Variants in BLMH observed in about 807,000 individuals in gnomAD.
BLMH encodes the protein BLM hydrolase.
Under a neutral mutation model 61.6 loss-of-function variants are expected in BLMH, and 32 were observed. That is an observed-to-expected ratio of 0.52 (90% CI 0.39 to 0.70). BLMH has a LOEUF of 0.70. BLMH is among the 30% of genes least tolerant of loss of function. The pLI is 0.00. For missense variants in BLMH, 460 were observed against 555.5 expected (o/e 0.83, Z 1.73); for synonymous variants, 183 against 193.8 (o/e 0.94, Z 0.46).
intron 11 of BLMH, among the ~76,000 whole-genome samples, chr17:30,251,247 AAAAC>A (rs930533924): frequency 9.2e-5 from 14 of 152,366 alleles, no homozygotes; most frequent in African/African-American, 2.9e-4. Context: ...TAAAAAAACA[AAAAC>A]AAACAAATCT....
intron 11 of BLMH, among the ~76,000 whole-genome samples, chr17:30,256,626 G>A (rs934522734): frequency 2.6e-5 from 4 of 151,922 alleles, no homozygotes; most frequent in Admixed American, 6.5e-5. Context: ...CATCGTGCCC[G>A]GCCCATTTTT....
chr17:30,267,035 A>G (rs909137543), intron 10 of BLMH, 81 bp from the exon 11 acceptor site: 1 of 1,364,696 alleles, frequency 7.3e-7, no homozygotes, highest in Non-Finnish European at 1.0e-6. Flanking sequence ...GCTCTTCTGT[A>G]GCCACTTGAA....
At position 30,267,787 on chromosome 17, in the gene BLMH, T is replaced by C. The variant is rs564197832; in HGVS notation, c.1147-833A>G. Among the ~76,000 whole-genome samples, 8 of 152,334 alleles carry C rather than the reference T, an allele frequency of 5.3e-5. No homozygotes were observed. In the South Asian group the frequency reaches 1.7e-3, roughly 32 times the overall value. On this transcript the variant is annotated intron_variant, in intron 10 of 11. Coordinates refer to ENST00000261714, the MANE Select transcript of BLMH (RefSeq NM_000386.4). ...CATGTTTACCCAGGACATTTACTGA[T>C]GTCAAGGCAACTTAAATCTTTGTAG...
chr17:30,249,406 AG>A, intron 11 of BLMH: 1 of 477,598 alleles, frequency 2.1e-6, no homozygotes, highest in South Asian at 2.2e-5. Context: ...TGATGTGCCC[AG>A]GTCACATGGT....
At position 30,285,375 on chromosome 17, in the gene BLMH, A is replaced by G. The variant is rs2143042350; in HGVS notation, c.645+13T>C. 1.9e-6 allele frequency: 3 copies of G among 1,598,554 alleles called. No homozygotes were observed. The East Asian group carries it at 6.8e-5, about 36-fold the overall frequency. ...TTAGAGGGGTCACAAAAAAATCCAA[A>G]TTTTGTTATTACCTCCTCCATCATG... is the stretch of plus-strand genomic sequence containing the variant. On this transcript the variant is annotated intron_variant, in intron 6 of 11. Coordinates refer to ENST00000261714, the MANE Select transcript of BLMH (RefSeq NM_000386.4).
In BLMH at chr17:30,272,970, A is replaced by G. The variant is rs547144718; in HGVS notation, c.802-71T>C. On this transcript the variant is annotated intron_variant, in intron 7 of 11. Transcript: ENST00000261714. The stretch of plus-strand genomic sequence containing the variant: ...GTCAAGCAACACACAGCTCTCCTCT[A>G]GGTTCATGTTTCCATCAAGCTCATC... 7 of 1,509,866 alleles carry G rather than the reference A, an allele frequency of 4.6e-6. No individual in the cohort carries two copies. The East Asian group carries it at 1.4e-4, about 29-fold the overall frequency. The allele number at this position is 1,509,866 out of a possible 1,614,324, so 93.5% of individuals were successfully genotyped here.
chr17:30,284,888 G>A (rs952391558), intron 6 of BLMH, among the ~76,000 whole-genome samples: 28 of 152,282 alleles, frequency 1.8e-4, no homozygotes, highest in South Asian at 2.1e-4. Flanking sequence ...CTTTTGCCTA[G>A]AATGGTCTTG....
Position 30,274,197 on chromosome 17 carries a change from T to A in BLMH, c.646A>T (p.Ile216Leu), listed in dbSNP as rs778865567. ...SATQDVMMEEIFRVVCICLGN... is the reference protein window; with the variant it reads ...SATQDVMMEELFRVVCICLGN... ...AAACAGATGCACACCACTCGGAATA[T>A]CTGGAAGAGAGGAGGAGGAAAGGCG... The change falls in exon 7 of 12, where the codon ATA becomes TTA. Residue 216 changes from isoleucine to leucine, a missense_variant and splice_region_variant. This residue lies in a region of BLMH where 310 missense variants were observed against 371.1 expected (regional missense o/e 0.84). Coordinates refer to ENST00000261714, the MANE Select transcript of BLMH (RefSeq NM_000386.4). The A allele has an allele frequency of 8.1e-6, 13 of 1,613,144 alleles. No individual in the cohort carries two copies. Among genetic ancestry groups the A allele is most frequent in the Non-Finnish European group, 1.0e-5 (12 of 1,179,782 alleles).
chr17:30,290,632 A>C (rs1347412301), intron 2 of BLMH, among the ~76,000 whole-genome samples: 1 of 152,270 alleles, frequency 6.6e-6, no homozygotes, highest in Admixed American at 6.5e-5. Flanking sequence ...AAGACTTTAA[A>C]AAATCCGTTT....
chr17:30,285,913 C>T (rs1440152499), intron 5 of BLMH, among the ~76,000 whole-genome samples: 2 of 152,092 alleles, frequency 1.3e-5, no homozygotes, highest in Non-Finnish European at 2.9e-5. Flanking sequence ...ATGGTTATGC[C>T]AGCCCCCAAT....
chr17:30,248,366 A>C lies in BLMH; in HGVS notation c.*651T>G, dbSNP rs1165664399. ...AATGATTATGACTGAGACCATGATA[A>C]GATTTTGGTTGTTCTCACCCAACTG... On this transcript the variant is annotated 3_prime_UTR_variant, in exon 12 of 12. Coordinates refer to ENST00000261714, the MANE Select transcript of BLMH (RefSeq NM_000386.4). 1 of 152,446 alleles carries C rather than the reference A, an allele frequency of 6.6e-6. No individual in the cohort carries two copies. Among genetic ancestry groups the C allele is most frequent in the Non-Finnish European group, 1.5e-5 (1 of 68,044 alleles). 9.4% of individuals were successfully genotyped at this position (152,446 alleles called of 1,614,324 possible).
chr17:30,263,375 A>G (rs1467619699), intron 11 of BLMH, among the ~76,000 whole-genome samples: 1 of 152,210 alleles, frequency 6.6e-6, no homozygotes, highest in Non-Finnish European at 1.5e-5. Flanking sequence ...CAACTTTTCA[A>G]AATGAAAGAT....
chr17:30,290,076 TAAC>T (rs1184938103), intron 2 of BLMH, among the ~76,000 whole-genome samples: 1 of 152,178 alleles, frequency 6.6e-6, no homozygotes, highest in African/African-American at 2.4e-5. Flanking sequence ...AATAATTTTG[TAAC>T]AAGAAGAAAA....
chr17:30,288,098 C>A, intron 3 of BLMH, 151 bp from the exon 4 acceptor site: 1 of 816,746 alleles, frequency 1.2e-6, no homozygotes, highest in Non-Finnish European at 1.8e-6. Context: ...CATGAATTTG[C>A]ATGTCATCCT....
intron 11 of BLMH, among the ~76,000 whole-genome samples, chr17:30,260,839 C>T (rs1907937905): frequency 2.0e-5 from 3 of 152,096 alleles, no homozygotes; most frequent in Non-Finnish European, 4.4e-5. Context: ...GCCAAGACCG[C>T]ACCACTGCAC....
At chr17:30,251,858 T>C (rs1291434219) in intron 11 of BLMH, among the ~76,000 whole-genome samples, 1 of 152,256 alleles carries the variant, frequency 6.6e-6, no homozygotes, top group East Asian at 1.9e-4. Flanking sequence ...TATCATTATT[T>C]ACTATATCAG....
chr17:30,287,692 C>A, intron 4 of BLMH, 114 bp downstream of exon 4: 1 of 1,235,852 alleles, frequency 8.1e-7, no homozygotes, highest in Non-Finnish European at 1.1e-6. Flanking sequence ...ACTATATATC[C>A]TTCTTGGAGA....
intron 2 of BLMH, among the ~76,000 whole-genome samples, chr17:30,290,805 T>C (rs1286518412): frequency 6.6e-6 from 1 of 152,224 alleles, no homozygotes; most frequent in Non-Finnish European, 1.5e-5. Flanking sequence ...TATTACAAAC[T>C]GATCTACTGG....
At chr17:30,268,001 C>T (rs1908157068) in intron 10 of BLMH, among the ~76,000 whole-genome samples, 1 of 152,206 alleles carries the variant, frequency 6.6e-6, no homozygotes, top group African/African-American at 2.4e-5. Flanking sequence ...ATAGCGCCAA[C>T]AAACTCACAA....
Sources: allele counts gnomAD v4.1 joint callset (sites outside exome capture counted in the v4.1 genomes callset), GRCh38; gene constraint gnomAD v4.1.1; regional missense constraint gnomAD v4.1.1; transcripts MANE v1.5; gene names NCBI Gene and HGNC (gene_info 2026-07-23, HGNC 2026-07-21).